PDE4D: variants seen among roughly 807,000 people sequenced by gnomAD.
PDE4D encodes phosphodiesterase 4D.
In PDE4D, 24 loss-of-function variants were observed where a neutral mutation model predicts 87.4. The observed-to-expected ratio is 0.27, with a 90% CI of 0.20 to 0.39. The LOEUF is 0.39. Ranked by LOEUF, PDE4D falls within the 10% of genes least tolerant of loss-of-function variation. PDE4D has a pLI of 1.00. For synonymous variants in PDE4D, 384 were observed against 383.2 expected (o/e 1.00, Z -0.02); for missense variants, 714 against 1,041.0 (o/e 0.69, Z 4.32).
intron 1 of PDE4D, among the ~76,000 whole-genome samples, chr5:60,511,116 C>T (rs1235129172): frequency 2.0e-5 from 3 of 152,090 alleles, no homozygotes; most frequent in Non-Finnish European, 4.4e-5. Context: ...ATTATAGGTG[C>T]TTGCCACCAT....
rs1742281625 is a variant in PDE4D at position 58,969,738 on chromosome 5, T to C, written c.*4926A>G. 1 of 152,148 alleles carries C rather than the reference T, an allele frequency of 6.6e-6. No individual in the cohort carries two copies. The highest frequency in any genetic ancestry group is 2.1e-4 in the South Asian group (1 of 4,826). The allele number at this position is 152,148 out of a possible 1,614,324, so 9.4% of individuals were successfully genotyped here. On this transcript the variant is annotated 3_prime_UTR_variant, in exon 15 of 15. Transcript: ENST00000340635. ...AACTTATTGTTGAGTCCTTAAAACT[T>C]TGTAGTTTGCGGAGTAGGTAACCAA...
intron 1 of PDE4D, among the ~76,000 whole-genome samples, chr5:59,622,290 T>C (rs895837198): frequency 5.3e-5 from 8 of 152,178 alleles, no homozygotes; most frequent in Non-Finnish European, 1.2e-4. Flanking sequence ...AAAAGTATTA[T>C]TGCAGGTATC....
At chr5:59,587,434 T>C in intron 1 of PDE4D, 1 of 985,180 alleles carries the variant, frequency 1.0e-6, no homozygotes, top group South Asian at 4.7e-5. Context: ...AAGATTCTCA[T>C]GCCCAAGCTA....
At chr5:59,727,315 G>C (rs1006283990) in intron 1 of PDE4D, among the ~76,000 whole-genome samples, 1 of 152,112 alleles carries the variant, frequency 6.6e-6, no homozygotes, top group Non-Finnish European at 1.5e-5. Flanking sequence ...AATGAAAATA[G>C]ACAGTTGGTT....
chr5:59,389,503 T>A (rs1011693780), intron 1 of PDE4D, among the ~76,000 whole-genome samples: 2 of 152,054 alleles, frequency 1.3e-5, no homozygotes. Context: ...ACGATGGGAA[T>A]GTATATTAGT....
At chr5:59,046,539 A>ATGTGTG (rs35264771) in intron 5 of PDE4D, among the ~76,000 whole-genome samples, 2 of 143,662 alleles carry the variant, frequency 1.4e-5, no homozygotes, top group Non-Finnish European at 3.0e-5. Flanking sequence ...GTTATTGAAG[A>ATGTGTG]TGTGTGTGTG....
chr5:59,148,785 GTGTGTGTATC>G (rs1226678475), intron 5 of PDE4D, among the ~76,000 whole-genome samples: 3 of 151,392 alleles, frequency 2.0e-5, no homozygotes, highest in Non-Finnish European at 4.4e-5. Flanking sequence ...GTGTGTGTGT[GTGTGTGTATC>G]TGTGTGTGTA....
chr5:59,890,826 G>A (rs1425867625), intron 1 of PDE4D, among the ~76,000 whole-genome samples: 3 of 152,200 alleles, frequency 2.0e-5, no homozygotes, highest in Non-Finnish European at 4.4e-5. Context: ...GTTGTTGTAG[G>A]ATTCAAATAA....
chr5:59,899,733 C>T (rs1383689253), intron 3 of PDE4D, among the ~76,000 whole-genome samples: 3 of 152,074 alleles, frequency 2.0e-5, no homozygotes, highest in African/African-American at 7.2e-5. Context: ...AGTAAGCCAG[C>T]ACTCCAGGCT....
At chr5:60,060,081 T>C (rs139634035) in intron 2 of PDE4D, among the ~76,000 whole-genome samples, 293 of 152,148 alleles carry the variant, frequency 1.9e-3, no homozygotes, top group African/African-American at 6.7e-3. Context: ...CAAGTGAAGA[T>C]AATTTGGAGA....
At chr5:60,066,029 G>A (rs1173000173) in intron 2 of PDE4D, among the ~76,000 whole-genome samples, 32 of 152,184 alleles carry the variant, frequency 2.1e-4, no homozygotes, top group Admixed American at 2.1e-3. Flanking sequence ...CACAATGGTT[G>A]AACTAGTTTA....
intron 2 of PDE4D, among the ~76,000 whole-genome samples, chr5:60,012,527 C>G (rs1472460289): frequency 3.3e-5 from 5 of 152,176 alleles, no homozygotes; most frequent in African/African-American, 4.8e-5. Flanking sequence ...GCAACTGAGA[C>G]ATAGGAGTAC....
At chr5:59,672,027 T>C (rs1747295138) in intron 1 of PDE4D, among the ~76,000 whole-genome samples, 1 of 152,144 alleles carries the variant, frequency 6.6e-6, no homozygotes. Context: ...GATAACTCTA[T>C]AGCACACTCT....
intron 1 of PDE4D, among the ~76,000 whole-genome samples, chr5:59,835,516 A>G (rs1018073180): frequency 6.6e-6 from 1 of 152,086 alleles, no homozygotes; most frequent in African/African-American, 2.4e-5. Flanking sequence ...ATTTTTTCAA[A>G]GCTATTTTCT....
intron 5 of PDE4D, among the ~76,000 whole-genome samples, chr5:59,105,023 T>C (rs1230689214): frequency 6.6e-6 from 1 of 152,214 alleles, no homozygotes; most frequent in Non-Finnish European, 1.5e-5. Flanking sequence ...CCAATTATTC[T>C]TGGCACGTAC....
intron 1 of PDE4D, among the ~76,000 whole-genome samples, chr5:59,733,072 C>A (rs965927981): frequency 7.9e-5 from 12 of 152,012 alleles, no homozygotes; most frequent in Admixed American, 5.2e-4. Context: ...TCCTTGTTTG[C>A]AAAGTTTTCA....
chr5:59,692,200 A>G (rs530408433), intron 1 of PDE4D, among the ~76,000 whole-genome samples: 60 of 152,302 alleles, frequency 3.9e-4, no homozygotes, highest in African/African-American at 1.3e-3. Flanking sequence ...AATAAGACAT[A>G]GGAAGACTTG....
intron 1 of PDE4D, among the ~76,000 whole-genome samples, chr5:59,725,459 A>G (rs1186900277): frequency 6.6e-6 from 1 of 152,126 alleles, no homozygotes; most frequent in Non-Finnish European, 1.5e-5. Context: ...CAAGCAAAAA[A>G]GAGTACGTAA....
At chr5:60,506,462 A>G (rs1401908192) in intron 1 of PDE4D, among the ~76,000 whole-genome samples, 1 of 152,240 alleles carries the variant, frequency 6.6e-6, no homozygotes, top group Non-Finnish European at 1.5e-5. Context: ...CCTCTACCTT[A>G]CAAAATTAAA....
Sources: allele counts gnomAD v4.1 joint callset (sites outside exome capture counted in the v4.1 genomes callset), GRCh38; gene constraint gnomAD v4.1.1; transcripts MANE v1.5; gene names NCBI Gene and HGNC (gene_info 2026-07-23, HGNC 2026-07-21).